KLF8: variants seen among roughly 807,000 people sequenced by gnomAD.
The protein encoded by KLF8 is KLF transcription factor 8.
A neutral mutation model predicts 18.2 loss-of-function variants in KLF8; 10 were observed. The ratio of observed to expected loss-of-function variants is 0.55; its 90% confidence interval spans 0.34 to 0.93. KLF8 has a LOEUF of 0.93. Among genes scored for constraint, KLF8 ranks in the 40% least tolerant of loss-of-function variants. The probability of loss-of-function intolerance (pLI) is 0.02; values close to 1 mark genes in which losing one functional copy is unlikely to be tolerated. For missense variants in KLF8, 264 were observed against 277.9 expected (o/e 0.95, Z 0.36); for synonymous variants, 109 against 97.3 (o/e 1.12, Z -0.71).
At chrX:55,940,191 A>G in the KLF8 span, among the ~76,000 whole-genome samples, 1 of 112,001 alleles carries the variant, frequency 8.9e-6, no homozygotes, top group African/African-American at 3.2e-5. Flanking sequence ...GATCACGTGG[A>G]CTTCATTCCT....
the KLF8 span, among the ~76,000 whole-genome samples, chrX:56,024,790 A>T: frequency 8.9e-6 from 1 of 111,997 alleles, no homozygotes; most frequent in African/African-American, 3.2e-5. Context: ...TGAATTTTAA[A>T]GGCCTGGTTT....
At chrX:56,212,359 G>T in the KLF8 span, among the ~76,000 whole-genome samples, 1 of 21,575 alleles carries the variant, frequency 4.6e-5, no homozygotes, top group East Asian at 1.7e-3. Flanking sequence ...ACAATCCACT[G>T]TCTCTAGGCT....
upstream of KLF8, among the ~76,000 whole-genome samples, chrX:56,227,425 A>T (rs958224701): frequency 9.3e-6 from 1 of 107,859 alleles, no homozygotes; most frequent in Non-Finnish European, 1.9e-5. Flanking sequence ...ACCTCAGCTC[A>T]CTGCAACCTC....
the KLF8 span, among the ~76,000 whole-genome samples, chrX:56,056,742 A>G: frequency 2.0e-5 from 2 of 97,965 alleles, no homozygotes; most frequent in African/African-American, 7.7e-5. Flanking sequence ...TGGCACATGT[A>G]TACATATGTA....
At chrX:56,170,690 C>G in the KLF8 span, among the ~76,000 whole-genome samples, 1 of 110,370 alleles carries the variant, frequency 9.1e-6, no homozygotes, top group Non-Finnish European at 1.9e-5. Context: ...CACACAGGAT[C>G]TAGAAAATAG....
chrX:56,052,132 G>T, the KLF8 span, among the ~76,000 whole-genome samples: 6 of 111,118 alleles, frequency 5.4e-5, no homozygotes, highest in Non-Finnish European at 1.1e-4. Flanking sequence ...GCTCCTTTAA[G>T]CACTTCTCTG....
chrX:56,107,544 G>A, the KLF8 span, among the ~76,000 whole-genome samples: 1 of 111,931 alleles, frequency 8.9e-6, no homozygotes, highest in Admixed American at 9.5e-5. Context: ...GGAGAGAATC[G>A]CCTGATCTGC....
chrX:55,929,193 T>C, the KLF8 span, among the ~76,000 whole-genome samples: 1 of 112,638 alleles, frequency 8.9e-6, no homozygotes, highest in Admixed American at 9.4e-5. Flanking sequence ...TCTGTTCATA[T>C]CCTTCGCCCA....
the KLF8 span, among the ~76,000 whole-genome samples, chrX:56,009,431 C>A: frequency 1.8e-5 from 2 of 111,302 alleles, no homozygotes; most frequent in Non-Finnish European, 3.8e-5. Flanking sequence ...AAAAAAAGTC[C>A]TCACAAAAAC....
At chrX:56,035,703 T>G in the KLF8 span, among the ~76,000 whole-genome samples, 2 of 112,312 alleles carry the variant, frequency 1.8e-5, no homozygotes, top group Non-Finnish European at 3.8e-5. Flanking sequence ...TTGCATTTCT[T>G]TGATGATTAG....
chrX:56,057,737 G>A, the KLF8 span, among the ~76,000 whole-genome samples: 2 of 111,188 alleles, frequency 1.8e-5, no homozygotes, highest in East Asian at 2.9e-4. Flanking sequence ...AGGTTCAATA[G>A]TTCCTCTAGG....
rs960974910 is a variant in KLF8 at position 56,288,532 on chromosome X, A to C, written c.*4038A>C. 5.5e-5 allele frequency among the ~76,000 whole-genome samples: 6 copies of C among 109,368 alleles called. No homozygotes were observed. Among genetic ancestry groups the C allele is most frequent in the Admixed American group, 1.9e-4 (2 of 10,415 alleles). The allele number at this position is 109,368 out of a possible 115,157, so 95.0% of individuals were successfully genotyped here. A position where few individuals can be genotyped will look rare whatever the true frequency, so the allele number is the denominator to read the frequency against. On this transcript the variant is annotated 3_prime_UTR_variant, in exon 6 of 6. Coordinates refer to ENST00000468660, the MANE Select transcript of KLF8 (RefSeq NM_007250.5). ...TGCAGATTTGGTTCCAGATCACTGC[A>C]ATGAAGCAAATATTACAATAAAGCA...
At chrX:56,159,522 T>C in the KLF8 span, among the ~76,000 whole-genome samples, 1 of 112,018 alleles carries the variant, frequency 8.9e-6, no homozygotes, top group African/African-American at 3.2e-5. Context: ...GGTCCTCGAC[T>C]TTTTTTGGTT....
At chrX:56,079,132 C>T in the KLF8 span, among the ~76,000 whole-genome samples, 1 of 110,922 alleles carries the variant, frequency 9.0e-6, no homozygotes, top group East Asian at 2.8e-4. Flanking sequence ...TTTTTTGTGT[C>T]TCTATTTCCT....
chrX:55,960,553 G>T, the KLF8 span, among the ~76,000 whole-genome samples: 1 of 77,066 alleles, frequency 1.3e-5, no homozygotes, highest in Non-Finnish European at 3.0e-5. Flanking sequence ...AGGAAGAGGA[G>T]AAGGAGGAGG....
At chrX:55,926,229 C>A in the KLF8 span, among the ~76,000 whole-genome samples, 2 of 111,229 alleles carry the variant, frequency 1.8e-5, no homozygotes, top group East Asian at 5.7e-4. Context: ...CTTTAGGATG[C>A]CCCCTATTCA....
chrX:55,978,882 G>T, the KLF8 span, among the ~76,000 whole-genome samples: 1 of 111,512 alleles, frequency 9.0e-6, no homozygotes, highest in Non-Finnish European at 1.9e-5. Context: ...TTACAAAGAA[G>T]GCAATCATAT....
At chrX:56,113,948 C>G in the KLF8 span, among the ~76,000 whole-genome samples, 1,813 of 111,599 alleles carry the variant, frequency 0.016, 32 homozygotes, top group African/African-American at 0.057. Flanking sequence ...CCGGATTCCT[C>G]AGAGCTAGCA....
At chrX:56,251,429 A>T (rs1275929654) in intron 2 of KLF8, among the ~76,000 whole-genome samples, 1 of 110,903 alleles carries the variant, frequency 9.0e-6, no homozygotes. Flanking sequence ...TTCAACTTTT[A>T]TTTTATTTTT....
Sources: gnomAD v4.1 joint callset for allele counts (sites outside exome capture counted in the v4.1 genomes callset) on GRCh38, gnomAD v4.1.1 for gene constraint, MANE v1.5 for transcripts, NCBI Gene and HGNC (gene_info 2026-07-23, HGNC 2026-07-21) for gene names.